ARHGAP42: variants seen among roughly 807,000 people sequenced by gnomAD.
The protein encoded by ARHGAP42 is Rho GTPase activating protein 42.
In ARHGAP42, 63 loss-of-function variants were observed where a neutral mutation model predicts 125.0. That is an observed-to-expected ratio of 0.50 (90% confidence interval 0.41 to 0.62). The LOEUF is 0.62. Ranked by LOEUF, ARHGAP42 falls within the 20% of genes least tolerant of loss-of-function variation. The pLI is 0.00. For missense variants in ARHGAP42, 766 were observed against 1,024.2 expected (o/e 0.75, Z 3.44); for synonymous variants, 339 against 351.0 (o/e 0.97, Z 0.38).
intron 2 of ARHGAP42, among the ~76,000 whole-genome samples, chr11:100,778,998 T>G (rs1423013441): frequency 6.6e-6 from 1 of 152,182 alleles, no homozygotes; most frequent in Non-Finnish European, 1.5e-5. Flanking sequence ...AAAGTTTTAC[T>G]CATATTCCTA....
chr11:100,965,866 A>G (rs1858077233), intron 17 of ARHGAP42, 90 bp downstream of exon 17: 2 of 1,143,530 alleles, frequency 1.7e-6, no homozygotes, highest in Non-Finnish European at 1.2e-6. Context: ...ATGTTATAAC[A>G]TTGGTATTAT....
At chr11:100,696,610 C>T (rs896550428) in intron 1 of ARHGAP42, among the ~76,000 whole-genome samples, 1 of 152,140 alleles carries the variant, frequency 6.6e-6, no homozygotes, top group Non-Finnish European at 1.5e-5. Context: ...CCGCCTCAGC[C>T]TCCCAAAGTG....
chr11:100,883,265 T>G (rs910558008), intron 4 of ARHGAP42, among the ~76,000 whole-genome samples: 1 of 152,194 alleles, frequency 6.6e-6, no homozygotes. Flanking sequence ...GAAGGACAGA[T>G]TATTTATTCA....
chr11:100,709,372 A>G (rs76205480), intron 1 of ARHGAP42, among the ~76,000 whole-genome samples: 8,352 of 152,202 alleles, frequency 0.055, 403 homozygotes, highest in East Asian at 0.22. Flanking sequence ...TGATCTGTCA[A>G]TCTGATATCT....
Position 100,748,160 on chromosome 11 carries a change from A to G in ARHGAP42, c.155-22183A>G, listed in dbSNP as rs188425895. On this transcript the variant is annotated intron_variant, in intron 1 of 23. Transcript: ENST00000298815. ...ACCTTGTAAGTTTGGGATTTCAATT[A>G]TTCTTTGCTATTAATAAGACCTCGT... 4.0e-4 allele frequency among the ~76,000 whole-genome samples: 61 copies of G among 152,278 alleles called. No individual in the cohort carries two copies. In the East Asian group the frequency reaches 0.012, roughly 29 times the overall value.
chr11:100,812,782 A>G (rs1394221278), intron 3 of ARHGAP42, among the ~76,000 whole-genome samples: 1 of 152,218 alleles, frequency 6.6e-6, no homozygotes, highest in Non-Finnish European at 1.5e-5. Flanking sequence ...GAAAGTGGGA[A>G]GAGATAAAGT....
At chr11:100,767,627 G>A (rs540193565) in intron 1 of ARHGAP42, among the ~76,000 whole-genome samples, 29 of 152,150 alleles carry the variant, frequency 1.9e-4, no homozygotes, top group Non-Finnish European at 3.8e-4. Context: ...CTAGGTTTGA[G>A]GGAAGTTCAG....
chr11:100,787,172 G>C (rs1283186504), intron 2 of ARHGAP42, among the ~76,000 whole-genome samples: 1 of 152,006 alleles, frequency 6.6e-6, no homozygotes, highest in Non-Finnish European at 1.5e-5. Flanking sequence ...CAGCTACTCA[G>C]GAGGCTGAGG....
rs1489948619 is a variant in ARHGAP42 at position 100,701,435 on chromosome 11, A to G, written c.154+13603A>G. ...AAGTCCTACATGGCATCTTCTTCCA[A>G]TAGAAGTCTGCTTCATCCACATTGA... On this transcript the variant is annotated intron_variant, in intron 1 of 23. Transcript: ENST00000298815. Among the ~76,000 whole-genome samples the G allele has an allele frequency of 2.6e-5, 4 of 152,226 alleles. No individual in the cohort carries two copies. In the East Asian group the frequency reaches 7.7e-4, roughly 29 times the overall value.
chr11:100,846,136 TTAA>T (rs1329661083), intron 3 of ARHGAP42, among the ~76,000 whole-genome samples: 1 of 152,168 alleles, frequency 6.6e-6, no homozygotes, highest in Non-Finnish European at 1.5e-5. Flanking sequence ...AAGTAAAAAG[TTAA>T]TGAGGTAATT....
chr11:100,881,417 A>G (rs531533368), intron 4 of ARHGAP42, among the ~76,000 whole-genome samples: 1 of 152,266 alleles, frequency 6.6e-6, no homozygotes, highest in South Asian at 2.1e-4. Context: ...TGGGTTCCCT[A>G]TTCTTTTCCA....
At chr11:100,988,394 G>A (rs1271276396) in intron 23 of ARHGAP42, among the ~76,000 whole-genome samples, 1 of 151,982 alleles carries the variant, frequency 6.6e-6, no homozygotes. Context: ...AAAATAAATA[G>A]ATAAATAATA....
chr11:100,894,589 CTCTTT>C (rs1218775430), intron 4 of ARHGAP42, among the ~76,000 whole-genome samples: 2 of 152,192 alleles, frequency 1.3e-5, no homozygotes, highest in African/African-American at 2.4e-5. Flanking sequence ...ACCCAGCCTT[CTCTTT>C]TAACTACCAA....
chr11:100,985,801 A>C (rs754522800), intron 22 of ARHGAP42, among the ~76,000 whole-genome samples: 1 of 152,154 alleles, frequency 6.6e-6, no homozygotes, highest in Non-Finnish European at 1.5e-5. Flanking sequence ...TCCAATCTTC[A>C]GATAGTCTTT....
At chr11:100,731,330 T>TTG (rs1861953933) in intron 1 of ARHGAP42, among the ~76,000 whole-genome samples, 2 of 152,140 alleles carry the variant, frequency 1.3e-5, no homozygotes, top group Admixed American at 1.3e-4. Flanking sequence ...GGCTAATTTT[T>TTG]ATATTTTTAG....
At chr11:100,900,821 C>T (rs1324817420) in intron 4 of ARHGAP42, among the ~76,000 whole-genome samples, 1 of 151,682 alleles carries the variant, frequency 6.6e-6, no homozygotes, top group Non-Finnish European at 1.5e-5. Flanking sequence ...AACCCTTTTT[C>T]AAGGGTTTGA....
chr11:100,718,308 C>G (rs1046439348), intron 1 of ARHGAP42, among the ~76,000 whole-genome samples: 13 of 152,130 alleles, frequency 8.5e-5, no homozygotes, highest in African/African-American at 2.9e-4. Context: ...GTGGTCATAG[C>G]CACTGGATCT....
chr11:100,888,398 A>C (rs1484675602), intron 4 of ARHGAP42, among the ~76,000 whole-genome samples: 1 of 152,164 alleles, frequency 6.6e-6, no homozygotes, highest in Non-Finnish European at 1.5e-5. Context: ...AAAGTGTTGC[A>C]TGGGGAAGAA....
At chr11:100,802,958 C>A (rs563252832) in intron 3 of ARHGAP42, among the ~76,000 whole-genome samples, 2 of 152,290 alleles carry the variant, frequency 1.3e-5, no homozygotes, top group Admixed American at 6.5e-5. Context: ...TAGTTTAGTC[C>A]CCTTGAGTTC....
Sources: gnomAD v4.1 joint callset for allele counts (sites outside exome capture counted in the v4.1 genomes callset) on GRCh38, gnomAD v4.1.1 for gene constraint, MANE v1.5 for transcripts, NCBI Gene and HGNC (gene_info 2026-07-23, HGNC 2026-07-21) for gene names.